Variants in LARGE1 observed in about 807,000 individuals in gnomAD.
The protein encoded by LARGE1 is xylosyl- and glucuronyltransferase LARGE1.
A neutral mutation model predicts 87.6 loss-of-function variants in LARGE1; 43 were observed. The observed-to-expected ratio is 0.49, with a 90% CI of 0.38 to 0.63. LARGE1 has a LOEUF of 0.63. LARGE1 is among the 30% of genes least tolerant of loss of function. LARGE1 has a pLI of 0.00. For missense variants in LARGE1, 802 were observed against 1,000.2 expected (o/e 0.80, Z 2.67); for synonymous variants, 434 against 394.6 (o/e 1.10, Z -1.18).
chr22:33,238,847 C>A (rs1010868755), intron 11 of LARGE1, among the ~76,000 whole-genome samples: 7 of 151,798 alleles, frequency 4.6e-5, no homozygotes, highest in Admixed American at 3.3e-4. Flanking sequence ...AAATGTATAG[C>A]CTTAAATTCA....
chr22:33,904,876 A>G (rs1442662289), intron 1 of LARGE1, among the ~76,000 whole-genome samples: 1 of 152,114 alleles, frequency 6.6e-6, no homozygotes, highest in Non-Finnish European at 1.5e-5. Flanking sequence ...CAGAATTTCA[A>G]GTGTGCTTAA....
intron 6 of LARGE1, among the ~76,000 whole-genome samples, chr22:33,514,169 T>C (rs987038561): frequency 6.6e-6 from 1 of 152,172 alleles, no homozygotes; most frequent in Non-Finnish European, 1.5e-5. Context: ...CATCATTAAG[T>C]GTCACAGACT....
intron 1 of LARGE1, among the ~76,000 whole-genome samples, chr22:33,807,032 C>T (rs1171326220): frequency 1.3e-5 from 2 of 152,158 alleles, no homozygotes; most frequent in Admixed American, 1.3e-4. Context: ...CTCTTCCTTG[C>T]AATTTCAAAC....
chr22:33,729,061 A>C (rs1203635340), intron 2 of LARGE1, among the ~76,000 whole-genome samples: 1 of 152,244 alleles, frequency 6.6e-6, no homozygotes, highest in South Asian at 2.1e-4. Flanking sequence ...TCATCATAAA[A>C]TAATGCATAG....
intron 2 of LARGE1, among the ~76,000 whole-genome samples, chr22:33,760,402 C>T (rs541864398): frequency 9.8e-4 from 149 of 152,122 alleles, no homozygotes; most frequent in Non-Finnish European, 1.8e-3. Flanking sequence ...CCTTTGTTGC[C>T]TCCCTGCGCT....
intron 3 of LARGE1, among the ~76,000 whole-genome samples, chr22:33,634,674 AAAT>A (rs139108196): frequency 0.076 from 11,402 of 149,420 alleles, 1,434 homozygotes; most frequent in African/African-American, 0.27. Context: ...AAAAATTTCA[AAAT>A]AATAATAATA....
intron 2 of LARGE1, among the ~76,000 whole-genome samples, chr22:33,699,654 C>T (rs1315106029): frequency 2.0e-5 from 3 of 152,146 alleles, no homozygotes; most frequent in Non-Finnish European, 4.4e-5. Context: ...TTTGCCTATA[C>T]TTTTCTTTAT....
intron 9 of LARGE1, among the ~76,000 whole-genome samples, chr22:33,364,440 G>GT (rs1247849050): frequency 2.6e-5 from 4 of 152,116 alleles, no homozygotes; most frequent in African/African-American, 7.2e-5. Context: ...CCTAATTGCT[G>GT]TTTTTTATGT....
At chr22:33,873,868 C>T (rs991430749) in intron 1 of LARGE1, among the ~76,000 whole-genome samples, 4 of 151,658 alleles carry the variant, frequency 2.6e-5, no homozygotes, top group Non-Finnish European at 4.4e-5. Context: ...ACTGGTTTCA[C>T]CTTCCTCCAC....
chr22:33,215,960 G>A (rs5998813), intron 11 of LARGE1, among the ~76,000 whole-genome samples: 3,994 of 151,986 alleles, frequency 0.026, 172 homozygotes, highest in African/African-American at 0.089. Flanking sequence ...CATCTCAAAA[G>A]AAAAAAATTA....
chr22:33,141,123 T>G, the LARGE1 span, among the ~76,000 whole-genome samples: 4 of 151,950 alleles, frequency 2.6e-5, no homozygotes, highest in African/African-American at 9.7e-5. Flanking sequence ...CTGAAATCTA[T>G]GGAAAAAATT....
chr22:33,633,018 G>T (rs1246029953), intron 3 of LARGE1, among the ~76,000 whole-genome samples: 3 of 152,094 alleles, frequency 2.0e-5, no homozygotes, highest in African/African-American at 7.2e-5. Flanking sequence ...CTGTGAACTG[G>T]GTTCATTCCT....
At chr22:33,907,288 T>C (rs1327195963) in intron 1 of LARGE1, among the ~76,000 whole-genome samples, 1 of 151,838 alleles carries the variant, frequency 6.6e-6, no homozygotes, top group East Asian at 1.9e-4. Flanking sequence ...ACCTCACGAA[T>C]ACTAGAGGCA....
rs578054359 is a variant in LARGE1 at position 33,655,466 on chromosome 22, C to T, written c.107-4798G>A. Among the ~76,000 whole-genome samples the T allele has an allele frequency of 7.9e-5, 12 of 152,262 alleles. No homozygotes were observed. The East Asian group carries it at 1.4e-3, about 17-fold the overall frequency. On this transcript the variant is annotated intron_variant, in intron 2 of 14. Coordinates refer to ENST00000397394, the MANE Select transcript of LARGE1 (RefSeq NM_133642.5). ...TGAGATCTCCTGGTTCTCAGGCTTT[C>T]GGACTCAGACTAGAACTACACATCG... is the stretch of plus-strand genomic sequence containing the variant.
chr22:33,311,879 A>T lies in LARGE1; in HGVS notation c.1451+4206T>A, dbSNP rs769024839. On this transcript the variant is annotated intron_variant, in intron 11 of 14. Coordinates refer to ENST00000397394, the MANE Select transcript of LARGE1 (RefSeq NM_133642.5). ...AAGTAATTTTATCCTTCTTTTATAG[A>T]AGGAGGAAACGGAAACCCAAAGATG... Among the ~76,000 whole-genome samples the T allele has an allele frequency of 3.5e-4, 54 of 152,150 alleles. 2 individuals carry two copies. Among genetic ancestry groups the T allele is most frequent in the Non-Finnish European group, 3.2e-4 (22 of 68,040 alleles).
At position 33,546,041 on chromosome 22, in the gene LARGE1, G is replaced by A. The variant is rs961481119; in HGVS notation, c.787+18807C>T. ...CCTCCAAACCATTTCTCTGACAAGC[G>A]CACACTCACCTTTCTACACTGAGGA... is the stretch of plus-strand genomic sequence containing the variant. On this transcript the variant is annotated intron_variant, in intron 6 of 14. Transcript: ENST00000397394. Among the ~76,000 whole-genome samples the A allele has an allele frequency of 2.6e-5, 4 of 152,138 alleles. No homozygotes were observed. The East Asian group carries it at 5.8e-4, about 22-fold the overall frequency.
At chr22:33,627,354 G>A (rs956904014) in intron 3 of LARGE1, among the ~76,000 whole-genome samples, 31 of 152,234 alleles carry the variant, frequency 2.0e-4, no homozygotes, top group Admixed American at 1.2e-3. Context: ...TCATACTTCC[G>A]GATTTTGTCC....
At chr22:33,243,118 A>G (rs1302267009) in intron 11 of LARGE1, among the ~76,000 whole-genome samples, 1 of 152,254 alleles carries the variant, frequency 6.6e-6, no homozygotes, top group Non-Finnish European at 1.5e-5. Flanking sequence ...AGCAAGGGTT[A>G]GGACTTCAGC....
chr22:33,647,830 T>C (rs1344174298), intron 3 of LARGE1, among the ~76,000 whole-genome samples: 1 of 152,110 alleles, frequency 6.6e-6, no homozygotes, highest in Admixed American at 6.6e-5. Context: ...CCATCTCGGC[T>C]CACTGCAATC....
Sources: allele counts gnomAD v4.1 joint callset (sites outside exome capture counted in the v4.1 genomes callset), GRCh38; gene constraint gnomAD v4.1.1; transcripts MANE v1.5; gene names NCBI Gene and HGNC (gene_info 2026-07-23, HGNC 2026-07-21).